The following MTUS1 variants were observed in gnomAD, a reference collection of about 807,000 sequenced individuals.
The protein encoded by MTUS1 is microtubule-associated tumor suppressor 1.
In MTUS1, 109 loss-of-function variants were observed where a neutral mutation model predicts 120.8. That is an observed-to-expected ratio of 0.90 (90% CI 0.77 to 1.06). MTUS1 has a LOEUF of 1.06. MTUS1 is among the 50% of genes least tolerant of loss of function. MTUS1 has a pLI of 0.00. For synonymous variants in MTUS1, 737 were observed against 550.5 expected, an observed-to-expected ratio of 1.34 and a Z score of -4.74; for missense variants, 2,210 against 1,486.3, an observed-to-expected ratio of 1.49 and a Z score of -8.01.
chr8:17,754,928 G>C lies in MTUS1; in HGVS notation c.880C>G (p.Pro294Ala), dbSNP rs749599557. ...GGGACTTCCATGCCATCAGAAACTGGTGTTAGTGCTTGTGTCTCCTTTTCT... is the reference window on the plus strand; with the variant it reads ...GGGACTTCCATGCCATCAGAAACTGCTGTTAGTGCTTGTGTCTCCTTTTCT... ...VGEKETQALT[P>A]VSDGMEVPND... is the part of the protein sequence containing the mutation. The change falls in exon 2 of 15, where the codon CCA (proline) becomes GCA (alanine). Residue 294 changes from proline (P) to alanine (A), a missense_variant. Coordinates refer to ENST00000693296, the MANE Select transcript of MTUS1 (RefSeq NM_001363059.2). 2 of 1,613,984 alleles carry C rather than the reference G, an allele frequency of 1.2e-6. No homozygotes were observed. Among genetic ancestry groups the C allele is most frequent in the Admixed American group, 1.7e-5 (1 of 59,998 alleles).
At chr8:17,766,927 T>A (rs995211198) in intron 1 of MTUS1, among the ~76,000 whole-genome samples, 1 of 152,084 alleles carries the variant, frequency 6.6e-6, no homozygotes, top group South Asian at 2.1e-4. Context: ...GATGTTAAAA[T>A]TTTATTTTCT....
At chr8:17,769,776 AGAC>A (rs1472775993) in intron 1 of MTUS1, among the ~76,000 whole-genome samples, 1 of 152,110 alleles carries the variant, frequency 6.6e-6, no homozygotes, top group African/African-American at 2.4e-5. Context: ...CTTGCTGTGA[AGAC>A]GACATGAAAG....
intron 1 of MTUS1, among the ~76,000 whole-genome samples, chr8:17,760,445 T>A (rs2048955721): frequency 6.6e-6 from 1 of 152,090 alleles, no homozygotes; most frequent in Non-Finnish European, 1.5e-5. Context: ...AAGATCAACC[T>A]CACCATTCAT....
intron 2 of MTUS1, among the ~76,000 whole-genome samples, chr8:17,749,425 G>A (rs955963600): frequency 6.6e-6 from 1 of 152,004 alleles, no homozygotes; most frequent in African/African-American, 2.4e-5. Flanking sequence ...TTGAGAAGCC[G>A]AGGTGGGCAG....
Position 17,653,410 on chromosome 8 carries a change from T to C in MTUS1, c.3288+15A>G, listed in dbSNP as rs1807475101. ...TTTTTTTGTGGGGGATACTGGGATATTGACATTCACCCACCTCTAGCGATT... is the reference window on the plus strand; with the variant it reads ...TTTTTTTGTGGGGGATACTGGGATACTGACATTCACCCACCTCTAGCGATT... On this transcript the variant is annotated intron_variant, in intron 11 of 14. Coordinates refer to ENST00000693296, the MANE Select transcript of MTUS1 (RefSeq NM_001363059.2). 5.7e-6 allele frequency: 9 copies of C among 1,591,212 alleles called. No individual in the cohort carries two copies. The highest frequency in any genetic ancestry group is 1.4e-5 in the African/African-American group (1 of 73,902).
intron 4 of MTUS1, among the ~76,000 whole-genome samples, chr8:17,719,142 C>T (rs941256621): frequency 1.3e-5 from 2 of 152,028 alleles, no homozygotes; most frequent in Non-Finnish European, 2.9e-5. Context: ...TGCACTCCAG[C>T]CTGGGCAACA....
intron 10 of MTUS1, 183 bp from the exon 11 acceptor site, chr8:17,653,681 G>C: frequency 1.9e-6 from 1 of 530,144 alleles, no homozygotes; most frequent in South Asian, 2.6e-5. Context: ...AGGTGGTTAG[G>C]GTAGACATTC....
At chr8:17,776,578 C>T (rs2050448918) in intron 1 of MTUS1, among the ~76,000 whole-genome samples, 1 of 144,780 alleles carries the variant, frequency 6.9e-6, no homozygotes, top group Admixed American at 7.3e-5. Flanking sequence ...ACTTGGGAGG[C>T]TGAGGCAGCA....
intron 8 of MTUS1, among the ~76,000 whole-genome samples, chr8:17,661,015 G>C (rs115076213): frequency 6.6e-6 from 1 of 152,188 alleles, no homozygotes; most frequent in African/African-American, 2.4e-5. Flanking sequence ...TTTAGTGAAA[G>C]ATAGTGATGG....
At chr8:17,743,888 A>C (rs960032144) in intron 2 of MTUS1, 89 bp from the exon 3 acceptor site, 16 of 1,132,262 alleles carry the variant, frequency 1.4e-5, no homozygotes, top group Non-Finnish European at 2.0e-5. Context: ...AGGCCAAGGC[A>C]ATTCCAAAGA....
At chr8:17,658,977 A>AG (rs1809070178) in intron 8 of MTUS1, among the ~76,000 whole-genome samples, 1 of 151,176 alleles carries the variant, frequency 6.6e-6, no homozygotes, top group South Asian at 2.1e-4. Flanking sequence ...TTAAAAAAAA[A>AG]TCCCCAAAAC....
chr8:17,702,171 T>C (rs1439456870), intron 6 of MTUS1, among the ~76,000 whole-genome samples: 1 of 152,230 alleles, frequency 6.6e-6, no homozygotes, highest in Admixed American at 6.5e-5. Context: ...AGGTGTTTGC[T>C]CTCTGCTACA....
chr8:17,789,611 AC>A (rs1407466834), intron 1 of MTUS1, among the ~76,000 whole-genome samples: 3 of 152,182 alleles, frequency 2.0e-5, no homozygotes, highest in Non-Finnish European at 1.5e-5. Context: ...GTGTGTAGTT[AC>A]GCAAGTTGGC....
intron 8 of MTUS1, among the ~76,000 whole-genome samples, chr8:17,664,785 A>G (rs1396713648): frequency 6.6e-6 from 1 of 152,154 alleles, no homozygotes; most frequent in African/African-American, 2.4e-5. Flanking sequence ...GCAAGCGACT[A>G]TGTAGGTGAC....
chr8:17,688,190 A>G (rs73200163), intron 6 of MTUS1, among the ~76,000 whole-genome samples: 135 of 152,348 alleles, frequency 8.9e-4, no homozygotes, highest in Non-Finnish European at 1.6e-3. Flanking sequence ...ACTTTTGTGT[A>G]TACTCACTGA....
chr8:17,723,501 G>A (rs2045980326), intron 4 of MTUS1, 171 bp downstream of exon 4: 3 of 701,360 alleles, frequency 4.3e-6, no homozygotes, highest in East Asian at 2.7e-5. Flanking sequence ...TTTCAAGAGT[G>A]TTTTTCAAAG....
intron 3 of MTUS1, among the ~76,000 whole-genome samples, chr8:17,735,242 G>A (rs893139132): frequency 1.3e-5 from 2 of 152,020 alleles, no homozygotes; most frequent in African/African-American, 4.8e-5. Context: ...TTCTCCTCCG[G>A]AAAACTTCTT....
At chr8:17,712,329 A>C (rs376600) in intron 6 of MTUS1, among the ~76,000 whole-genome samples, 27,525 of 151,716 alleles carry the variant, frequency 0.18, 2,653 homozygotes, top group African/African-American at 0.24. Context: ...ATCTAGAGAG[A>C]TCAATCCATC....
In MTUS1 at chr8:17,731,140, A is replaced by T. The variant is rs141473901; in HGVS notation, c.2288-7307T>A. 6.4e-3 allele frequency among the ~76,000 whole-genome samples: 980 copies of T among 152,280 alleles called. 14 individuals carry two copies. Among genetic ancestry groups the T allele is most frequent in the African/African-American group, 0.022 (932 of 41,550 alleles). On this transcript the variant is annotated intron_variant, in intron 3 of 14. Coordinates refer to ENST00000693296, the MANE Select transcript of MTUS1 (RefSeq NM_001363059.2). ...ATATAAAAATTCAGGATAGGATAGGATAAGGGAGGTATCTTAAATCAGCAA... is the reference window on the plus strand; with the variant it reads ...ATATAAAAATTCAGGATAGGATAGGTTAAGGGAGGTATCTTAAATCAGCAA...
Sources: gnomAD v4.1 joint callset for allele counts (sites outside exome capture counted in the v4.1 genomes callset) on GRCh38, gnomAD v4.1.1 for gene constraint, MANE v1.5 for transcripts, NCBI Gene and HGNC (gene_info 2026-07-23, HGNC 2026-07-21) for gene names.